Variants in NTM observed in about 807,000 individuals in gnomAD.
NTM encodes the protein neurotrimin, also known as IgLON family member 2.
In NTM, 13 loss-of-function variants were observed where a neutral mutation model predicts 42.1. The ratio of observed to expected loss-of-function variants is 0.31; its 90% CI spans 0.20 to 0.49. NTM has a LOEUF of 0.49. NTM is among the 20% of genes least tolerant of loss of function. NTM has a pLI of 0.99. For synonymous variants in NTM, 187 were observed against 179.2 expected, an observed-to-expected ratio of 1.04 and a Z score of -0.35; for missense variants, 373 against 452.8, an observed-to-expected ratio of 0.82 and a Z score of 1.60.
intron 3 of NTM, among the ~76,000 whole-genome samples, chr11:132,178,199 G>C (rs1027433763): frequency 6.6e-6 from 1 of 152,130 alleles, no homozygotes; most frequent in Non-Finnish European, 1.5e-5. Flanking sequence ...TCTTGCCTTA[G>C]GTCACAGAGA....
At chr11:131,799,803 A>G (rs1282745841) in intron 1 of NTM, among the ~76,000 whole-genome samples, 1 of 152,188 alleles carries the variant, frequency 6.6e-6, no homozygotes, top group Non-Finnish European at 1.5e-5. Context: ...CTCAGCTAGA[A>G]TCCTAGTGGC....
At chr11:131,913,041 CCTCTTCCA>C (rs1442311954) in intron 2 of NTM, among the ~76,000 whole-genome samples, 1 of 152,168 alleles carries the variant, frequency 6.6e-6, no homozygotes, top group African/African-American at 2.4e-5. Flanking sequence ...ACGAGACCCA[CCTCTTCCA>C]CTCTTCTGAG....
intron 4 of NTM, among the ~76,000 whole-genome samples, chr11:132,234,689 C>T (rs1391042959): frequency 1.3e-5 from 2 of 152,160 alleles, no homozygotes; most frequent in Non-Finnish European, 2.9e-5. Context: ...GAGAAAGGGA[C>T]CACTTTGTCA....
chr11:132,110,637 G>C (rs1288193623), intron 2 of NTM, among the ~76,000 whole-genome samples: 1 of 152,250 alleles, frequency 6.6e-6, no homozygotes, highest in South Asian at 2.1e-4. Context: ...AAAATATACT[G>C]TTATTTCTAA....
At chr11:131,703,913 C>G (rs1335311736) in intron 1 of NTM, among the ~76,000 whole-genome samples, 1 of 152,148 alleles carries the variant, frequency 6.6e-6, no homozygotes. Context: ...CCCCGGGCCC[C>G]AGACCCACTT....
intron 4 of NTM, among the ~76,000 whole-genome samples, chr11:132,236,851 G>A (rs987756033): frequency 1.1e-4 from 16 of 152,242 alleles, no homozygotes; most frequent in Non-Finnish European, 2.1e-4. Flanking sequence ...AAGGAAGGCT[G>A]TGTGATGTCG....
intron 4 of NTM, among the ~76,000 whole-genome samples, chr11:132,217,356 T>TGTGTGTGTGTGTGTGTG (rs1491403568): frequency 1.5e-4 from 20 of 135,238 alleles, no homozygotes; most frequent in Non-Finnish European, 4.8e-5. Flanking sequence ...CTCTCTCTCT[T>TGTGTGTGTGTGTGTGTG]TCTGTGTGTG....
chr11:131,971,192 G>A lies in NTM; in HGVS notation c.167+59544G>A, dbSNP rs138585963. On this transcript the variant is annotated intron_variant, in intron 2 of 8. Transcript: ENST00000683400. ...GTACACTCGCCAGTAGAGTGCAAGA[G>A]TGCCCATCTGCATGCATCTCCAACA... Among the ~76,000 whole-genome samples, 112 of 152,290 alleles carry A rather than the reference G, an allele frequency of 7.4e-4. No homozygotes were observed. In the Middle Eastern group the frequency reaches 0.01, roughly 14 times the overall value.
chr11:131,679,709 T>C (rs1053323071), intron 1 of NTM, among the ~76,000 whole-genome samples: 1 of 151,780 alleles, frequency 6.6e-6, no homozygotes, highest in African/African-American at 2.4e-5. Flanking sequence ...ACAGCATCTG[T>C]ATCGCTTGAA....
chr11:131,862,540 G>T (rs116431372), intron 1 of NTM, among the ~76,000 whole-genome samples: 1 of 152,138 alleles, frequency 6.6e-6, no homozygotes, highest in Non-Finnish European at 1.5e-5. Flanking sequence ...TGTATGAATC[G>T]AGGGTTGTTT....
At chr11:131,737,196 T>C (rs1488460137) in intron 1 of NTM, among the ~76,000 whole-genome samples, 3 of 152,156 alleles carry the variant, frequency 2.0e-5, no homozygotes, top group Non-Finnish European at 4.4e-5. Flanking sequence ...CGGAAGAGAA[T>C]TGGTCTTGTG....
intron 1 of NTM, among the ~76,000 whole-genome samples, chr11:131,517,551 C>G (rs2049049085): frequency 6.6e-6 from 1 of 152,176 alleles, no homozygotes; most frequent in African/African-American, 2.4e-5. Context: ...GATATGCCCT[C>G]TCCACAGCCA....
chr11:131,796,388 A>G (rs2091564651), intron 1 of NTM: 1 of 153,232 alleles, frequency 6.5e-6, no homozygotes, highest in South Asian at 2.1e-4. Flanking sequence ...GCTGGTTCCT[A>G]TGACGGTGAA....
intron 3 of NTM, among the ~76,000 whole-genome samples, chr11:132,147,280 G>A (rs1365902833): frequency 6.6e-6 from 1 of 151,586 alleles, no homozygotes; most frequent in Non-Finnish European, 1.5e-5. Flanking sequence ...CCTGGGAATG[G>A]AGCTCACCTC....
intron 2 of NTM, among the ~76,000 whole-genome samples, chr11:131,968,956 A>G (rs1465964833): frequency 1.3e-5 from 2 of 152,268 alleles, no homozygotes; most frequent in Non-Finnish European, 2.9e-5. Flanking sequence ...AGGCAAGGGG[A>G]TGCTACCTCT....
chr11:132,226,107 A>C (rs1426265943), intron 4 of NTM, among the ~76,000 whole-genome samples: 1 of 152,172 alleles, frequency 6.6e-6, no homozygotes, highest in Non-Finnish European at 1.5e-5. Flanking sequence ...TATCCAGTCT[A>C]TCATTGATGG....
At chr11:131,754,025 T>A (rs963779361) in intron 1 of NTM, among the ~76,000 whole-genome samples, 2 of 148,432 alleles carry the variant, frequency 1.3e-5, no homozygotes, top group African/African-American at 5.0e-5. Flanking sequence ...AGCAAACTAC[T>A]GCAAGGACAA....
intron 2 of NTM, among the ~76,000 whole-genome samples, chr11:132,122,488 A>G (rs2065006463): frequency 6.6e-6 from 1 of 152,214 alleles, no homozygotes; most frequent in African/African-American, 2.4e-5. Flanking sequence ...GCCTACTGTC[A>G]GAGTTCGTGA....
At chr11:131,421,887 G>T (rs1041702884) in intron 1 of NTM, among the ~76,000 whole-genome samples, 2 of 152,148 alleles carry the variant, frequency 1.3e-5, no homozygotes, top group African/African-American at 4.8e-5. Context: ...GCTAATAAGG[G>T]TTGTGCCTGT....
Sources: allele counts gnomAD v4.1 joint callset (sites outside exome capture counted in the v4.1 genomes callset), GRCh38; gene constraint gnomAD v4.1.1; transcripts MANE v1.5; gene names NCBI Gene and HGNC (gene_info 2026-07-23, HGNC 2026-07-21).